The following FRRS1L variants were observed in gnomAD, a reference collection of about 807,000 sequenced individuals.
FRRS1L encodes ferric chelate reductase 1 like.
In FRRS1L, 22 loss-of-function variants were observed where a neutral mutation model predicts 28.6. That is an observed-to-expected ratio of 0.77 (90% CI 0.55 to 1.10). FRRS1L has a LOEUF of 1.10. Among genes scored for constraint, FRRS1L ranks in the 50% least tolerant of loss-of-function variants. The pLI, the probability that FRRS1L is intolerant of heterozygous loss-of-function variation, is 0.00. For missense variants in FRRS1L, 380 were observed against 386.9 expected, an observed-to-expected ratio of 0.98 and a Z score of 0.15; for synonymous variants, 158 against 151.4, an observed-to-expected ratio of 1.04 and a Z score of -0.32.
Position 109,131,554 on chromosome 9 carries a change from T to G in FRRS1L, c.*5901A>C, listed in dbSNP as rs533355449. 1.9e-4 allele frequency: 29 copies of G among 152,288 alleles called. No homozygotes were observed. The highest frequency in any genetic ancestry group is 7.0e-4 in the African/African-American group (29 of 41,562). 9.4% of individuals were successfully genotyped at this position (152,288 alleles called of 1,614,324 possible). On this transcript the variant is annotated 3_prime_UTR_variant, in exon 5 of 5. Coordinates refer to ENST00000561981, the MANE Select transcript of FRRS1L (RefSeq NM_014334.4). ...TACAAATATACACATGCTCCTCAAG[T>G]TACAAGAGGGTTATGTCTCAGTAAA...
chr9:109,132,945 A>G lies in FRRS1L; in HGVS notation c.*4510T>C, dbSNP rs1831073424. 6.6e-6 allele frequency: 1 copy of G among 152,280 alleles called. No individual in the cohort carries two copies. The highest frequency in any genetic ancestry group is 2.4e-5 in the African/African-American group (1 of 41,476). The allele number at this position is 152,280 out of a possible 1,614,324, so 9.4% of individuals were successfully genotyped here. The stretch of plus-strand genomic sequence containing the variant: ...TTTGCTGACCCCTGGAGTAGAGATA[A>G]GAATGACACACAACCTCAGTGGTCA... On this transcript the variant is annotated 3_prime_UTR_variant, in exon 5 of 5. Coordinates refer to ENST00000561981, the MANE Select transcript of FRRS1L (RefSeq NM_014334.4).
intron 3 of FRRS1L, among the ~76,000 whole-genome samples, chr9:109,146,224 T>TAAA (rs1554733046): frequency 2.6e-5 from 4 of 151,312 alleles, no homozygotes; most frequent in African/African-American, 4.9e-5. Flanking sequence ...AACAAATAAA[T>TAAA]TAAATAAATA....
At position 109,133,781 on chromosome 9, in the gene FRRS1L, C is replaced by T. The variant is rs975021416; in HGVS notation, c.*3674G>A. 2.6e-5 allele frequency: 4 copies of T among 152,156 alleles called. No individual in the cohort carries two copies. The highest frequency in any genetic ancestry group is 5.9e-5 in the Non-Finnish European group (4 of 68,030). 9.4% of individuals were successfully genotyped at this position (152,156 alleles called of 1,614,324 possible). On this transcript the variant is annotated 3_prime_UTR_variant, in exon 5 of 5. Coordinates refer to ENST00000561981, the MANE Select transcript of FRRS1L (RefSeq NM_014334.4). ...GCATTATTATTAATCTATTCAGGTA[C>T]TTTACGAAAAACACTGGTTGGGCAT...
chr9:109,162,537 T>C (rs1831491596), intron 1 of FRRS1L, among the ~76,000 whole-genome samples: 2 of 152,228 alleles, frequency 1.3e-5, no homozygotes, highest in South Asian at 2.1e-4. Flanking sequence ...GTAGCAATAA[T>C]AGTAGTATTT....
rs377654958 is a variant in FRRS1L at position 109,136,407 on chromosome 9, C to A, written c.*1048G>T. Reference sequence around the variant, plus strand: ...TTTTTTTTTAATATCATTAACACAACTTTACATCTTCAGGAATGCTCACAG... The same window carrying A: ...TTTTTTTTTAATATCATTAACACAAATTTACATCTTCAGGAATGCTCACAG... On this transcript the variant is annotated 3_prime_UTR_variant, in exon 5 of 5. Coordinates refer to ENST00000561981, the MANE Select transcript of FRRS1L (RefSeq NM_014334.4). The A allele has an allele frequency of 2.4e-4, 36 of 149,194 alleles. No homozygotes were observed. In the East Asian group the frequency reaches 5.5e-3, roughly 23 times the overall value. The allele number at this position is 149,194 out of a possible 1,614,324, so 9.2% of individuals were successfully genotyped here.
chr9:109,160,224 G>C (rs752261325), intron 1 of FRRS1L, among the ~76,000 whole-genome samples: 13 of 151,980 alleles, frequency 8.6e-5, no homozygotes, highest in Non-Finnish European at 1.8e-4. Context: ...GTTTCTCCCT[G>C]GATATTCCAC....
Position 109,141,483 on chromosome 9 carries a change from G to T in FRRS1L, c.569C>A (p.Ala190Asp), listed in dbSNP as rs1564229135. The part of the protein sequence containing the change: ...QWAKEIQRNP[A>D]RDEEGVFENN... The stretch of plus-strand genomic sequence containing the variant: ...CTCAAAAACTCCTTCTTCATCTCTG[G>T]CAGGGTTTCTCTGAATCTCCTTTGC... The change falls in exon 4 of 5, where the codon GCC becomes GAC. Residue 190 changes from alanine to aspartate, a missense_variant. Coordinates refer to ENST00000561981, the MANE Select transcript of FRRS1L (RefSeq NM_014334.4). 1 of 1,614,074 alleles carries T rather than the reference G, an allele frequency of 6.2e-7. No individual in the cohort carries two copies. The highest frequency in any genetic ancestry group is 8.5e-7 in the Non-Finnish European group (1 of 1,180,008).
chr9:109,131,982 A>ATTTTATTTTATTTTATTTTATTTTAT lies in FRRS1L; in HGVS notation c.*5472_*5473insATAAAATAAAATAAAATAAAATAAAA, dbSNP rs1244847111. 5.1e-5 allele frequency: 4 copies of ATTTTATTTTATTTTATTTTATTTTAT among 77,910 alleles called. No homozygotes were observed. Among genetic ancestry groups the ATTTTATTTTATTTTATTTTATTTTAT allele is most frequent in the Non-Finnish European group, 5.9e-5 (2 of 33,640 alleles). 4.8% of individuals were successfully genotyped at this position (77,910 alleles called of 1,614,324 possible). Reference sequence around the variant, plus strand: ...TATTTTATTTTATTTTATTTTATTTATTTATTTTTTAGACGGAGTCTTGCT... The same window carrying ATTTTATTTTATTTTATTTTATTTTAT: ...TATTTTATTTTATTTTATTTTATTTATTTTATTTTATTTTATTTTATTTTATTTTATTTTTTAGACGGAGTCTTGCT... On this transcript the variant is annotated 3_prime_UTR_variant, in exon 5 of 5. Transcript: ENST00000561981.
intron 2 of FRRS1L, chr9:109,148,239 G>A (rs777854934): frequency 5.9e-5 from 9 of 152,122 alleles, no homozygotes; most frequent in Non-Finnish European, 1.3e-4. Flanking sequence ...AAAGTGCTGG[G>A]ATTACAGTCA....
intron 1 of FRRS1L, chr9:109,150,246 C>A (rs1349635346): frequency 1.3e-5 from 2 of 152,562 alleles, no homozygotes; most frequent in South Asian, 2.1e-4. Flanking sequence ...GAGACAGAGT[C>A]TCCCTCTGTT....
intron 1 of FRRS1L, among the ~76,000 whole-genome samples, chr9:109,162,895 T>C (rs1036492958): frequency 1.3e-5 from 2 of 152,196 alleles, no homozygotes; most frequent in East Asian, 1.9e-4. Flanking sequence ...AGAAAATCCT[T>C]GATTGAGCCA....
chr9:109,149,693 A>C lies in FRRS1L; in HGVS notation c.266T>G (p.Val89Gly). The C allele has an allele frequency of 6.2e-7, 1 of 1,613,558 alleles. No homozygotes were observed. The highest frequency in any genetic ancestry group is 8.5e-7 in the Non-Finnish European group (1 of 1,179,424). Residue 89 changes from valine (V) to glycine (G), a missense_variant, in exon 2 of 5, where the codon GTG becomes GGG. Val to Gly is a moderately radical substitution (Grantham distance 109, BLOSUM62 -3). Transcript: ENST00000561981. ...CACTTTGATTTTGGCAAATGGATCC[A>C]CAGGAGGAGCAGTAGGGAAGGGGTA... The part of the protein sequence containing the change: ...EGYPFPTAPP[V>G]DPFAKIKVDD...
rs1419575849 is a variant in FRRS1L, at chr9:109,133,940, T to C, written c.*3515A>G. On this transcript the variant is annotated 3_prime_UTR_variant, in exon 5 of 5. Transcript: ENST00000561981. ...TCACTTCAGCATGTCTATCGACTGCTAGTTCTCTGAGATAATGGTCAAAGG... is the reference window on the plus strand; with the variant it reads ...TCACTTCAGCATGTCTATCGACTGCCAGTTCTCTGAGATAATGGTCAAAGG... The C allele has an allele frequency of 6.6e-6, 1 of 152,234 alleles. No individual in the cohort carries two copies. The highest frequency in any genetic ancestry group is 2.4e-5 in the African/African-American group (1 of 41,468). The allele number at this position is 152,234 out of a possible 1,614,324, so 9.4% of individuals were successfully genotyped here.
chr9:109,141,160 T>C, intron 4 of FRRS1L, 183 bp downstream of exon 4: 2 of 633,148 alleles, frequency 3.2e-6, no homozygotes, highest in East Asian at 2.7e-5. Context: ...TGTTTGTCCG[T>C]ATAATAAGTC....
At chr9:109,158,152 T>A (rs1831433783) in intron 1 of FRRS1L, among the ~76,000 whole-genome samples, 1 of 152,198 alleles carries the variant, frequency 6.6e-6, no homozygotes, top group Non-Finnish European at 1.5e-5. Context: ...GTTGGAAGAT[T>A]TTTTTAACTG....
chr9:109,161,519 T>C (rs1831480684), intron 1 of FRRS1L, among the ~76,000 whole-genome samples: 1 of 152,192 alleles, frequency 6.6e-6, no homozygotes, highest in Non-Finnish European at 1.5e-5. Flanking sequence ...TATAATCCCT[T>C]CATTTATTGC....
chr9:109,164,197 C>A (rs1390536764), intron 1 of FRRS1L, among the ~76,000 whole-genome samples: 1 of 152,076 alleles, frequency 6.6e-6, no homozygotes, highest in Non-Finnish European at 1.5e-5. Flanking sequence ...ACGCCACTTA[C>A]ATCTCAACTA....
chr9:109,147,371 C>T (rs1831277016), intron 2 of FRRS1L, 182 bp from the exon 3 acceptor site: 3 of 575,450 alleles, frequency 5.2e-6, no homozygotes, highest in African/African-American at 3.8e-5. Context: ...TGATCTGCCC[C>T]ACTTTGTACA....
intron 3 of FRRS1L, 23 bp downstream of exon 3, chr9:109,147,028 T>A (rs1478652186): frequency 6.2e-7 from 1 of 1,609,254 alleles, no homozygotes; most frequent in East Asian, 2.2e-5. Flanking sequence ...AAAAATCAGC[T>A]TCTATCATGT....
Sources: gnomAD v4.1 joint callset for allele counts (sites outside exome capture counted in the v4.1 genomes callset) on GRCh38, gnomAD v4.1.1 for gene constraint, MANE v1.5 for transcripts, NCBI Gene and HGNC (gene_info 2026-07-23, HGNC 2026-07-21) for gene names.